Variants in WDR11 observed in about 807,000 individuals in gnomAD.
WDR11 encodes the protein WD repeat domain 11.
A neutral mutation model predicts 151.2 loss-of-function variants in WDR11; 83 were observed. The ratio of observed to expected loss-of-function variants is 0.55; its 90% CI spans 0.46 to 0.66. WDR11 has a LOEUF of 0.66. Ranked by LOEUF, WDR11 falls within the 30% of genes least tolerant of loss-of-function variation. The pLI, the probability that WDR11 is intolerant of heterozygous loss-of-function variation, is 0.00. For synonymous variants in WDR11, 484 were observed against 533.1 expected (o/e 0.91, Z 1.27); for missense variants, 1,301 against 1,480.9 (o/e 0.88, Z 1.99).
At chr10:120,891,980 A>G (rs564776458) in intron 19 of WDR11, among the ~76,000 whole-genome samples, 102 of 152,308 alleles carry the variant, frequency 6.7e-4, no homozygotes, top group African/African-American at 2.2e-3. Flanking sequence ...CTCCTAGGAA[A>G]GGGCAAGCAT....
At chr10:120,876,909 C>T (rs1395748076) in intron 11 of WDR11, among the ~76,000 whole-genome samples, 2 of 152,204 alleles carry the variant, frequency 1.3e-5, no homozygotes, top group Admixed American at 6.5e-5. Context: ...AGAACCTGAA[C>T]TCTTCACTTA....
intron 16 of WDR11, among the ~76,000 whole-genome samples, chr10:120,888,799 T>C (rs531099489): frequency 4.0e-5 from 6 of 150,050 alleles, no homozygotes; most frequent in East Asian, 1.9e-4. Flanking sequence ...ATTTCCCCCT[T>C]TTTTTTTTGA....
chr10:120,903,168 G>A lies in WDR11; in HGVS notation c.2867G>A (p.Arg956Gln), dbSNP rs140254897. The change falls in exon 23 of 29, where the codon CGA (arginine) becomes CAA (glutamine). Residue 956 changes from arginine to glutamine, a missense_variant. Around this residue, in one of 3 missense-constraint regions of WDR11, gnomAD observed 589 missense variants for 670.6 expected, o/e 0.88. Transcript: ENST00000263461. ...STTAPKEAAPRDKLSNPLDIC... is the reference protein window; with the variant it reads ...STTAPKEAAPQDKLSNPLDIC... ...ACAGCTCCTAAAGAAGCTGCTCCTC[G>A]AGACAAACTGAGCAACCCACTGGAT... The A allele has an allele frequency of 1.1e-4, 182 of 1,614,162 alleles. No individual in the cohort carries two copies. In the African/African-American group the frequency reaches 2.1e-3, roughly 18 times the overall value.
intron 26 of WDR11, chr10:120,905,648 T>A (rs1002210975): frequency 1.2e-6 from 1 of 846,868 alleles, no homozygotes; most frequent in East Asian, 2.7e-5. Flanking sequence ...CTCCTCTTTC[T>A]CCCAGAGTCT....
chr10:120,857,386 G>A (rs1213342446), intron 2 of WDR11, among the ~76,000 whole-genome samples: 4 of 152,150 alleles, frequency 2.6e-5, no homozygotes, highest in African/African-American at 4.8e-5. Context: ...GCAAATTATA[G>A]TGAGTAGGTA....
At chr10:120,864,966 G>A (rs150044274) in intron 5 of WDR11, 81 bp from the exon 6 acceptor site, 2 of 1,497,246 alleles carry the variant, frequency 1.3e-6, no homozygotes, top group Admixed American at 1.7e-5. Flanking sequence ...CAATTTTTAT[G>A]TGTAAAGTAC....
At chr10:120,871,069 A>G (rs1419561156) in intron 9 of WDR11, 101 bp from the exon 10 acceptor site, 14 of 1,204,412 alleles carry the variant, frequency 1.2e-5, no homozygotes, top group African/African-American at 1.5e-5. Flanking sequence ...ACTACATTAT[A>G]CTTTTAGACC....
At position 120,902,265 on chromosome 10, in the gene WDR11, A is replaced by G. The variant is rs1847855571; in HGVS notation, c.2696A>G (p.Lys899Arg). The G allele has an allele frequency of 1.2e-6, 2 of 1,614,030 alleles. No individual in the cohort carries two copies. The highest frequency in any genetic ancestry group is 1.1e-5 in the South Asian group (1 of 91,074). The part of the protein sequence containing the change: ...EQLNSLSNDI[K>R]KLLLDPEFTL... ...CCGGATTTCTTCCACAGTGACATAA[A>G]GAAACTGTTGCTTGATCCAGAATTC... Residue 899 changes from lysine (K) to arginine (R), a missense_variant, in exon 22 of 29, where the codon AAG (lysine) becomes AGG (arginine). Around this residue, in one of 3 missense-constraint regions of WDR11, gnomAD observed 589 missense variants for 670.6 expected, o/e 0.88. Transcript: ENST00000263461.
intron 9 of WDR11, among the ~76,000 whole-genome samples, chr10:120,869,625 T>C (rs1347767130): frequency 3.3e-5 from 5 of 152,278 alleles, no homozygotes; most frequent in African/African-American, 1.2e-4. Context: ...ACTGGATAAA[T>C]GCTGATACTT....
At chr10:120,897,710 G>A (rs1252988946) in intron 19 of WDR11, among the ~76,000 whole-genome samples, 1 of 152,140 alleles carries the variant, frequency 6.6e-6, no homozygotes, top group Non-Finnish European at 1.5e-5. Flanking sequence ...CAAAAAGGAA[G>A]AGGACCATTC....
intron 21 of WDR11, 131 bp from the exon 22 acceptor site, chr10:120,902,126 C>G: frequency 2.5e-6 from 2 of 796,936 alleles, no homozygotes; most frequent in African/African-American, 1.7e-5. Flanking sequence ...GGTAAAGTAC[C>G]TTGTCTTGTG....
chr10:120,876,310 A>G (rs533664526), intron 11 of WDR11, among the ~76,000 whole-genome samples: 1 of 152,180 alleles, frequency 6.6e-6, no homozygotes, highest in African/African-American at 2.4e-5. Context: ...ACAGCTTCTG[A>G]TTGTGATGGA....
chr10:120,876,116 T>C (rs1200114550), intron 11 of WDR11, among the ~76,000 whole-genome samples: 1 of 151,478 alleles, frequency 6.6e-6, no homozygotes, highest in Non-Finnish European at 1.5e-5. Flanking sequence ...GTAGCTGGGA[T>C]TACAGGTGTA....
chr10:120,861,279 T>G (rs1198723506), intron 4 of WDR11, among the ~76,000 whole-genome samples: 1 of 152,082 alleles, frequency 6.6e-6, no homozygotes, highest in African/African-American at 2.4e-5. Flanking sequence ...GCAGACAAAA[T>G]TGAAATTATA....
intron 9 of WDR11, among the ~76,000 whole-genome samples, chr10:120,869,137 G>C: frequency 8.0e-6 from 1 of 124,674 alleles, no homozygotes; most frequent in Non-Finnish European, 1.6e-5. Flanking sequence ...TTGAGACGGA[G>C]TCTTGCTCTG....
At chr10:120,876,392 T>G (rs1846791282) in intron 11 of WDR11, among the ~76,000 whole-genome samples, 2 of 152,198 alleles carry the variant, frequency 1.3e-5, no homozygotes, top group South Asian at 2.1e-4. Context: ...GGTGACTGTT[T>G]ATTGCCACCT....
At chr10:120,867,017 A>C (rs769385954) in intron 8 of WDR11, 49 bp from the exon 9 acceptor site, 2 of 1,433,488 alleles carry the variant, frequency 1.4e-6, no homozygotes, top group South Asian at 1.1e-5. Context: ...CCTAATACGT[A>C]ATGCAGATTT....
intron 20 of WDR11, 119 bp from the exon 21 acceptor site, chr10:120,900,917 T>C: frequency 2.7e-6 from 2 of 744,538 alleles, no homozygotes; most frequent in Non-Finnish European, 4.8e-6. Context: ...TATAACCAGG[T>C]TTCTAACCAA....
chr10:120,883,879 A>C lies in WDR11; in HGVS notation c.1839A>C (p.Ile613=), dbSNP rs544620148. 14 of 1,611,670 alleles carry C rather than the reference A, an allele frequency of 8.7e-6. No individual in the cohort carries two copies. The South Asian group carries it at 1.3e-4, about 15-fold the overall frequency. ...LREMSKNFPT[I]TALEWSPSHN... is the part of the protein sequence containing the mutation. ...AGATGTCCAAAAACTTCCCTACAAT[A>C]ACTGCTTTGGTAAGTTACAATTTAA... is the stretch of plus-strand genomic sequence containing the variant. The change falls in exon 14 of 29, where the codon ATA becomes ATC. Residue 613 remains isoleucine, a synonymous_variant. Coordinates refer to ENST00000263461, the MANE Select transcript of WDR11 (RefSeq NM_018117.12).
Sources: allele counts gnomAD v4.1 joint callset (sites outside exome capture counted in the v4.1 genomes callset), GRCh38; gene constraint gnomAD v4.1.1; regional missense constraint gnomAD v4.1.1; transcripts MANE v1.5; gene names NCBI Gene and HGNC (gene_info 2026-07-23, HGNC 2026-07-21).